Variants in DCDC2 observed in about 807,000 individuals in gnomAD.
DCDC2 encodes doublecortin domain-containing protein 2.
Under a neutral mutation model 50.2 loss-of-function variants are expected in DCDC2, and 40 were observed. The ratio of observed to expected loss-of-function variants is 0.80; its 90% CI spans 0.62 to 1.04. The LOEUF is 1.04. DCDC2 is among the 50% of genes least tolerant of loss of function. DCDC2 has a pLI of 0.00. For missense variants in DCDC2, 570 were observed against 581.9 expected, an observed-to-expected ratio of 0.98 and a Z score of 0.21; for synonymous variants, 234 against 210.6, an observed-to-expected ratio of 1.11 and a Z score of -0.96.
intron 7 of DCDC2, among the ~76,000 whole-genome samples, chr6:24,240,432 G>C (rs946934023): frequency 6.6e-6 from 1 of 152,126 alleles, no homozygotes; most frequent in African/African-American, 2.4e-5. Flanking sequence ...ACCTAAAATT[G>C]AAATTGGTAG....
Position 24,179,980 on chromosome 6 carries a change from G to T in DCDC2, c.1024-1348C>A, listed in dbSNP as rs116910104. Among the ~76,000 whole-genome samples the T allele has an allele frequency of 4.0e-3, 587 of 148,190 alleles. 5 individuals carry two copies. In the East Asian group the frequency reaches 0.041, roughly 10 times the overall value. The stretch of plus-strand genomic sequence containing the variant: ...AAAAAAAAAAAAAAAAACAAGGGGT[G>T]GGGGAGGGAACAGGAGGCCAGCTTT... On this transcript the variant is annotated intron_variant, in intron 8 of 9. Transcript: ENST00000378454.
At chr6:24,176,125 C>A (rs1760904105) in intron 9 of DCDC2, among the ~76,000 whole-genome samples, 1 of 151,766 alleles carries the variant, frequency 6.6e-6, no homozygotes, top group Non-Finnish European at 1.5e-5. Context: ...AGGGAGACTT[C>A]CTCCATATTA....
chr6:24,197,381 G>T (rs928907465), intron 8 of DCDC2, among the ~76,000 whole-genome samples: 7 of 152,160 alleles, frequency 4.6e-5, no homozygotes, highest in Non-Finnish European at 1.0e-4. Flanking sequence ...ATAAGGCTAT[G>T]ATTTTCTCTT....
chr6:24,253,034 C>T (rs189076203), intron 7 of DCDC2, among the ~76,000 whole-genome samples: 3 of 152,082 alleles, frequency 2.0e-5, no homozygotes, highest in Non-Finnish European at 4.4e-5. Flanking sequence ...TTGGATGCAG[C>T]TAAAGCTGTG....
At chr6:24,304,708 A>T (rs1322110626) in intron 2 of DCDC2, among the ~76,000 whole-genome samples, 8 of 152,194 alleles carry the variant, frequency 5.3e-5, no homozygotes, top group African/African-American at 1.9e-4. Context: ...AAATGCGCTG[A>T]TGGCCTGCTT....
intron 2 of DCDC2, among the ~76,000 whole-genome samples, chr6:24,319,650 C>G (rs891689250): frequency 7.9e-5 from 12 of 152,036 alleles, no homozygotes; most frequent in African/African-American, 2.7e-4. Context: ...AGTATGCTAC[C>G]CTACATATAG....
At chr6:24,197,582 G>T (rs996566579) in intron 8 of DCDC2, among the ~76,000 whole-genome samples, 2 of 152,172 alleles carry the variant, frequency 1.3e-5, no homozygotes, top group Admixed American at 6.5e-5. Flanking sequence ...AAAATTATTA[G>T]TTATAGCTAA....
intron 4 of DCDC2, among the ~76,000 whole-genome samples, chr6:24,298,526 C>A (rs1759307972): frequency 6.6e-6 from 1 of 152,166 alleles, no homozygotes; most frequent in South Asian, 2.1e-4. Context: ...TAACCCTGGG[C>A]AAATAATTTT....
At chr6:24,354,737 A>C (rs1178461160) in intron 1 of DCDC2, among the ~76,000 whole-genome samples, 1 of 152,196 alleles carries the variant, frequency 6.6e-6, no homozygotes, top group Non-Finnish European at 1.5e-5. Flanking sequence ...AACAATGCAC[A>C]GGGAAAGTTT....
chr6:24,283,431 T>C (rs1763521500), intron 6 of DCDC2, among the ~76,000 whole-genome samples: 1 of 152,160 alleles, frequency 6.6e-6, no homozygotes, highest in Non-Finnish European at 1.5e-5. Context: ...TGGCAGCTGC[T>C]TTCTCTCTTT....
chr6:24,306,902 A>G (rs1276700782), intron 2 of DCDC2, among the ~76,000 whole-genome samples: 1 of 152,218 alleles, frequency 6.6e-6, no homozygotes, highest in African/African-American at 2.4e-5. Context: ...GTTTGCTATG[A>G]AAAATAAAAT....
intron 6 of DCDC2, among the ~76,000 whole-genome samples, chr6:24,288,117 C>A (rs1203960994): frequency 2.0e-5 from 3 of 152,090 alleles, no homozygotes; most frequent in African/African-American, 7.2e-5. Context: ...TTACAAAATA[C>A]CAAAATAAGA....
At chr6:24,230,585 A>C (rs1762320801) in intron 7 of DCDC2, among the ~76,000 whole-genome samples, 1 of 152,144 alleles carries the variant, frequency 6.6e-6, no homozygotes, top group African/African-American at 2.4e-5. Flanking sequence ...TCGAGGCTGC[A>C]GTGAGCTAGG....
intron 7 of DCDC2, among the ~76,000 whole-genome samples, chr6:24,253,664 T>C (rs1762836680): frequency 1.3e-5 from 2 of 152,190 alleles, no homozygotes; most frequent in African/African-American, 2.4e-5. Flanking sequence ...CTACTTGTGC[T>C]TCTAAACATA....
chr6:24,218,734 T>C (rs1346763894), intron 7 of DCDC2, among the ~76,000 whole-genome samples: 11 of 152,078 alleles, frequency 7.2e-5, no homozygotes, highest in Non-Finnish European at 1.5e-4. Context: ...AGTAATCTGC[T>C]TACCTCAACC....
intron 7 of DCDC2, among the ~76,000 whole-genome samples, chr6:24,210,856 G>A (rs1333430738): frequency 2.6e-5 from 4 of 152,014 alleles, no homozygotes; most frequent in East Asian, 1.9e-4. Flanking sequence ...ACTGCATTTC[G>A]TATCTTTTTC....
chr6:24,221,403 A>C (rs1762115452), intron 7 of DCDC2, among the ~76,000 whole-genome samples: 2 of 152,104 alleles, frequency 1.3e-5, no homozygotes, highest in Admixed American at 1.3e-4. Flanking sequence ...ATCTCCTCAC[A>C]GCCATGTTTT....
At chr6:24,266,085 C>T (rs1341466583) in intron 7 of DCDC2, among the ~76,000 whole-genome samples, 1 of 152,064 alleles carries the variant, frequency 6.6e-6, no homozygotes, top group African/African-American at 2.4e-5. Context: ...CAAGAACATA[C>T]ACTGGGGAAA....
chr6:24,298,316 T>TG (rs968607861), intron 4 of DCDC2, among the ~76,000 whole-genome samples: 59 of 152,328 alleles, frequency 3.9e-4, no homozygotes, highest in African/African-American at 1.4e-3. Flanking sequence ...TACCAGTCCA[T>TG]GGCCTGGGGG....
Sources: allele counts gnomAD v4.1 joint callset (sites outside exome capture counted in the v4.1 genomes callset), GRCh38; gene constraint gnomAD v4.1.1; transcripts MANE v1.5; gene names NCBI Gene and HGNC (gene_info 2026-07-23, HGNC 2026-07-21).